Variants in LRP1B observed in about 807,000 individuals in gnomAD.
LRP1B encodes low-density lipoprotein receptor-related protein 1B.
In LRP1B, 217 loss-of-function variants were observed where a neutral mutation model predicts 556.6. The ratio of observed to expected loss-of-function variants is 0.39; its 90% CI spans 0.35 to 0.44. LRP1B has a LOEUF of 0.44. LRP1B is among the 20% of genes least tolerant of loss of function. The pLI is 1.00. For synonymous variants in LRP1B, 2,047 were observed against 1,865.8 expected, an observed-to-expected ratio of 1.10 and a Z score of -2.50; for missense variants, 5,053 against 5,620.8, an observed-to-expected ratio of 0.90 and a Z score of 3.23.
intron 27 of LRP1B, among the ~76,000 whole-genome samples, chr2:140,861,767 C>A (rs1444211146): frequency 6.6e-6 from 1 of 152,198 alleles, no homozygotes; most frequent in Non-Finnish European, 1.5e-5. Flanking sequence ...CTAAAATTAT[C>A]ACTGACCTTT....
At chr2:141,065,987 G>A (rs188826453) in intron 7 of LRP1B, among the ~76,000 whole-genome samples, 6 of 151,946 alleles carry the variant, frequency 3.9e-5, no homozygotes, top group Non-Finnish European at 7.4e-5. Context: ...GTTCTCACCT[G>A]TGTTATCAAC....
intron 60 of LRP1B, among the ~76,000 whole-genome samples, chr2:140,474,097 G>A (rs527484107): frequency 1.3e-5 from 2 of 152,016 alleles, no homozygotes; most frequent in South Asian, 4.1e-4. Context: ...TTACCCTTAA[G>A]AAAGCGCCTC....
At chr2:140,932,152 A>G (rs1043893071) in intron 20 of LRP1B, among the ~76,000 whole-genome samples, 1 of 152,166 alleles carries the variant, frequency 6.6e-6, no homozygotes, top group Non-Finnish European at 1.5e-5. Flanking sequence ...TGGAGAATAT[A>G]ATTTAAAAAT....
At chr2:141,367,711 T>C (rs528200753) in intron 3 of LRP1B, among the ~76,000 whole-genome samples, 100 of 152,040 alleles carry the variant, frequency 6.6e-4, no homozygotes, top group Non-Finnish European at 1.3e-3. Context: ...CTCGATCTCC[T>C]GTCCTCATGA....
intron 35 of LRP1B, among the ~76,000 whole-genome samples, chr2:140,763,663 T>C (rs1454633176): frequency 6.6e-6 from 1 of 152,166 alleles, no homozygotes. Flanking sequence ...TAGGGGCTTG[T>C]TTTCATGTTT....
At chr2:141,522,352 T>C (rs1559119774) in intron 2 of LRP1B, among the ~76,000 whole-genome samples, 1 of 152,088 alleles carries the variant, frequency 6.6e-6, no homozygotes, top group Non-Finnish European at 1.5e-5. Flanking sequence ...CAGTTGAAAA[T>C]CTAGATAAGA....
intron 2 of LRP1B, among the ~76,000 whole-genome samples, chr2:141,798,820 C>T (rs1022125288): frequency 1.3e-5 from 2 of 151,530 alleles, no homozygotes; most frequent in South Asian, 4.2e-4. Flanking sequence ...AACTTCAGTA[C>T]CTCAGAATGT....
intron 1 of LRP1B, among the ~76,000 whole-genome samples, chr2:141,987,940 T>A (rs1702244560): frequency 6.6e-6 from 1 of 151,940 alleles, no homozygotes; most frequent in Admixed American, 6.6e-5. Flanking sequence ...TTTATATAAG[T>A]GGCGTATGCA....
At position 140,944,647 on chromosome 2, in the gene LRP1B, A is replaced by T. The variant is rs138365561; in HGVS notation, c.3136+5588T>A. Among the ~76,000 whole-genome samples the T allele has an allele frequency of 2.7e-3, 405 of 152,244 alleles. 2 individuals are homozygous for T. The highest frequency in any genetic ancestry group is 9.2e-3 in the African/African-American group (383 of 41,572). ...AAATGTGAACCACCACATAAACAGA[A>T]TTAAAATAGAAACCATATGATCATC... On this transcript the variant is annotated intron_variant, in intron 20 of 90. Coordinates refer to ENST00000389484, the MANE Select transcript of LRP1B (RefSeq NM_018557.3).
intron 3 of LRP1B, among the ~76,000 whole-genome samples, chr2:141,435,823 A>C (rs1031206715): frequency 6.6e-6 from 1 of 152,190 alleles, no homozygotes; most frequent in South Asian, 2.1e-4. Flanking sequence ...GGAGAAGAAG[A>C]ACCAGTCCTC....
intron 2 of LRP1B, among the ~76,000 whole-genome samples, chr2:141,498,556 C>G (rs780212513): frequency 6.6e-6 from 1 of 151,872 alleles, no homozygotes; most frequent in Non-Finnish European, 1.5e-5. Context: ...TGTTCACGAT[C>G]TATTATGGCA....
chr2:142,044,447 C>A (rs1390289936), intron 1 of LRP1B, among the ~76,000 whole-genome samples: 2 of 151,720 alleles, frequency 1.3e-5, no homozygotes, highest in Admixed American at 6.6e-5. Flanking sequence ...TTGAGCTGAT[C>A]TTTGCATGCT....
At chr2:141,078,670 CCTT>C (rs1469125850) in intron 7 of LRP1B, among the ~76,000 whole-genome samples, 1 of 152,136 alleles carries the variant, frequency 6.6e-6, no homozygotes, top group Non-Finnish European at 1.5e-5. Context: ...GAAGTGTTCT[CCTT>C]CTCCTTGCTC....
chr2:141,493,182 C>T (rs1006720075), intron 2 of LRP1B, among the ~76,000 whole-genome samples: 5 of 152,088 alleles, frequency 3.3e-5, no homozygotes, highest in Admixed American at 3.3e-4. Context: ...AGTTGTAACG[C>T]TATTATTTGA....
At chr2:141,702,200 C>A (rs752332579) in intron 2 of LRP1B, among the ~76,000 whole-genome samples, 4 of 151,770 alleles carry the variant, frequency 2.6e-5, no homozygotes, top group Non-Finnish European at 5.9e-5. Flanking sequence ...GATCAATTGG[C>A]TTAGGTAGAA....
At chr2:140,324,611 AGTTT>A (rs886545320) in intron 80 of LRP1B, among the ~76,000 whole-genome samples, 2 of 152,096 alleles carry the variant, frequency 1.3e-5, no homozygotes, top group African/African-American at 4.8e-5. Context: ...TCATCTGATT[AGTTT>A]GTCTAAAAAT....
chr2:140,383,171 A>G (rs543268195), intron 67 of LRP1B, among the ~76,000 whole-genome samples: 1 of 152,292 alleles, frequency 6.6e-6, no homozygotes, highest in African/African-American at 2.4e-5. Context: ...GATATGTTTC[A>G]CTACTTAATA....
intron 1 of LRP1B, among the ~76,000 whole-genome samples, chr2:141,839,910 G>C (rs1367798693): frequency 6.6e-6 from 1 of 152,048 alleles, no homozygotes; most frequent in Non-Finnish European, 1.5e-5. Context: ...TAATAATTTA[G>C]TATTACAATA....
chr2:140,818,402 A>G (rs1032363697), intron 31 of LRP1B, among the ~76,000 whole-genome samples: 1 of 152,222 alleles, frequency 6.6e-6, no homozygotes, highest in Non-Finnish European at 1.5e-5. Flanking sequence ...CCAATAAGTT[A>G]CATCACATGC....
Sources: gnomAD v4.1 joint callset for allele counts (sites outside exome capture counted in the v4.1 genomes callset) on GRCh38, gnomAD v4.1.1 for gene constraint, MANE v1.5 for transcripts, NCBI Gene and HGNC (gene_info 2026-07-23, HGNC 2026-07-21) for gene names.